ROBO1: variants seen among roughly 807,000 people sequenced by gnomAD.
ROBO1 encodes roundabout homolog 1.
ROBO1 carries 149 observed loss-of-function variants against 195.9 expected under a neutral mutation model. The observed-to-expected ratio is 0.76, with a 90% confidence interval of 0.67 to 0.87. The LOEUF is 0.87. Among genes scored for constraint, ROBO1 ranks in the 40% least tolerant of loss-of-function variants. ROBO1 has a pLI of 0.00. For synonymous variants in ROBO1, 816 were observed against 733.2 expected (o/e 1.11, Z -1.82); for missense variants, 1,933 against 2,068.3 (o/e 0.93, Z 1.27).
chr3:78,646,341 C>G (rs1706290362), intron 20 of ROBO1, among the ~76,000 whole-genome samples, 151 bp from the exon 21 acceptor site: 1 of 150,994 alleles, frequency 6.6e-6, no homozygotes, highest in African/African-American at 2.4e-5. Flanking sequence ...CAGATTGATT[C>G]AACTAGTGAC....
At chr3:78,748,492 A>G (rs543629587) in intron 4 of ROBO1, among the ~76,000 whole-genome samples, 13 of 152,088 alleles carry the variant, frequency 8.5e-5, no homozygotes, top group African/African-American at 3.1e-4. Context: ...AATTTTTAAA[A>G]GAATATTTGA....
chr3:79,472,141 T>C (rs1274491547), intron 2 of ROBO1, among the ~76,000 whole-genome samples: 2 of 152,038 alleles, frequency 1.3e-5, no homozygotes, highest in South Asian at 4.1e-4. Flanking sequence ...AGTAGAAAAT[T>C]TGTGCCCAAA....
At chr3:79,389,795 TG>T (rs1268356356) in intron 2 of ROBO1, among the ~76,000 whole-genome samples, 1 of 152,076 alleles carries the variant, frequency 6.6e-6, no homozygotes, top group East Asian at 1.9e-4. Flanking sequence ...AAGCTGTGTT[TG>T]AAAAAAAACA....
At chr3:79,711,562 A>G (rs74608185) in intron 1 of ROBO1, among the ~76,000 whole-genome samples, 3,383 of 152,288 alleles carry the variant, frequency 0.022, 43 homozygotes, top group Non-Finnish European at 0.036. Flanking sequence ...ACATCTAATC[A>G]TATATTGATA....
chr3:79,659,797 C>G (rs1414062735), intron 1 of ROBO1, among the ~76,000 whole-genome samples: 1 of 151,994 alleles, frequency 6.6e-6, no homozygotes, highest in Non-Finnish European at 1.5e-5. Flanking sequence ...AATGGCCACC[C>G]TGGTTCTGGC....
chr3:79,703,928 T>C (rs1440146163), intron 1 of ROBO1, among the ~76,000 whole-genome samples: 1 of 152,004 alleles, frequency 6.6e-6, no homozygotes, highest in Non-Finnish European at 1.5e-5. Context: ...TAGATGGTGT[T>C]TTGTGGCAGA....
At chr3:78,812,184 C>A (rs181893587) in intron 4 of ROBO1, among the ~76,000 whole-genome samples, 1 of 152,120 alleles carries the variant, frequency 6.6e-6, no homozygotes, top group African/African-American at 2.4e-5. Context: ...AATCCTCCTA[C>A]CAAATCATGT....
intron 2 of ROBO1, among the ~76,000 whole-genome samples, chr3:79,411,843 C>T (rs767729229): frequency 9.9e-5 from 15 of 152,080 alleles, no homozygotes; most frequent in African/African-American, 1.4e-4. Flanking sequence ...TGCAAAGCTA[C>T]GCAGACCCTG....
intron 3 of ROBO1, among the ~76,000 whole-genome samples, chr3:78,997,598 C>A (rs1323275425): frequency 2.0e-5 from 3 of 152,054 alleles, no homozygotes; most frequent in African/African-American, 7.2e-5. Flanking sequence ...TCAAATTATT[C>A]AAAATGTGGA....
intron 10 of ROBO1, among the ~76,000 whole-genome samples, chr3:78,674,871 T>C (rs575009588): frequency 1.8e-4 from 28 of 152,276 alleles, no homozygotes; most frequent in African/African-American, 6.7e-4. Context: ...AAAGTTGCAA[T>C]TATTAATGTG....
Position 79,550,168 on chromosome 3 carries a change from G to GAAGAAAGAAAGAAAGAAAGA in ROBO1, c.88+39636_88+39655dup, listed in dbSNP as rs1200148231. On this transcript the variant is annotated intron_variant, in intron 2 of 30. Transcript: ENST00000464233. ...AAAAGAAAGGAAGAAAGAAAGAAAG[G>GAAGAAAGAAAGAAAGAAAGA]AAGAAAGAAAGAAAGAAAGAAAGAA... Among the ~76,000 whole-genome samples, 17 of 96,864 alleles carry GAAGAAAGAAAGAAAGAAAGA rather than the reference G, an allele frequency of 1.8e-4. 1 individual carries two copies. The highest frequency in any genetic ancestry group is 7.1e-4 in the African/African-American group (17 of 24,098). The allele number at this position is 96,864 out of a possible 152,430, so 63.5% of individuals were successfully genotyped here. A position where few individuals can be genotyped will look rare whatever the true frequency, so the allele number is the denominator to read the frequency against.
At chr3:79,738,088 A>G (rs941530172) in intron 1 of ROBO1, among the ~76,000 whole-genome samples, 2 of 152,128 alleles carry the variant, frequency 1.3e-5, no homozygotes, top group African/African-American at 4.8e-5. Flanking sequence ...AGTTTCACAG[A>G]GCCAATTTTA....
At chr3:79,615,472 C>T (rs1235649884) in intron 1 of ROBO1, among the ~76,000 whole-genome samples, 1 of 152,146 alleles carries the variant, frequency 6.6e-6, no homozygotes, top group African/African-American at 2.4e-5. Context: ...TGAGGACCTC[C>T]TGAGACTTTG....
intron 10 of ROBO1, among the ~76,000 whole-genome samples, chr3:78,682,991 T>G (rs1380569391): frequency 2.6e-5 from 4 of 152,060 alleles, no homozygotes; most frequent in Non-Finnish European, 4.4e-5. Context: ...TTTCTTTTAC[T>G]TGTCCTACAT....
At position 78,617,987 on chromosome 3, in the gene ROBO1, G is replaced by A; in HGVS notation, c.3930C>T (p.Thr1310=). 2 of 1,613,980 alleles carry A rather than the reference G, an allele frequency of 1.2e-6. No homozygotes were observed. The highest frequency in any genetic ancestry group is 8.5e-7 in the Non-Finnish European group (1 of 1,179,884). The part of the protein sequence containing the change: ...PPPRPISPPH[T]YGYISGPLVS... ...CCAGGGGTCCTGAAATGTAGCCATAGGTATGTGGAGGGGAGATCGGCCGTG... is the reference window on the plus strand; with the variant it reads ...CCAGGGGTCCTGAAATGTAGCCATAAGTATGTGGAGGGGAGATCGGCCGTG... Residue 1310 remains threonine (T), a synonymous_variant, in exon 27 of 31, where the codon ACC becomes ACT. Transcript: ENST00000464233.
intron 3 of ROBO1, among the ~76,000 whole-genome samples, chr3:79,094,151 G>A (rs1488698205): frequency 6.6e-6 from 1 of 152,060 alleles, no homozygotes; most frequent in Non-Finnish European, 1.5e-5. Flanking sequence ...ACGTAAGTAA[G>A]AAATAAACAA....
intron 3 of ROBO1, among the ~76,000 whole-genome samples, chr3:79,124,712 C>T (rs2108570399): frequency 6.6e-6 from 1 of 152,282 alleles, no homozygotes; most frequent in African/African-American, 2.4e-5. Flanking sequence ...TTATCTAATT[C>T]AATGGGTTAT....
chr3:79,050,274 A>G (rs1004547217), intron 3 of ROBO1, among the ~76,000 whole-genome samples: 2 of 152,184 alleles, frequency 1.3e-5, no homozygotes, highest in Non-Finnish European at 1.5e-5. Context: ...CAGGCTTTAA[A>G]CCAACAAAGA....
chr3:79,322,060 C>A (rs2034003472), intron 2 of ROBO1, among the ~76,000 whole-genome samples: 1 of 152,144 alleles, frequency 6.6e-6, no homozygotes, highest in Non-Finnish European at 1.5e-5. Context: ...ATCACAATCT[C>A]AAACCCAATG....
Sources: gnomAD v4.1 joint callset for allele counts (sites outside exome capture counted in the v4.1 genomes callset) on GRCh38, gnomAD v4.1.1 for gene constraint, MANE v1.5 for transcripts, NCBI Gene and HGNC (gene_info 2026-07-23, HGNC 2026-07-21) for gene names.